The following ELAPOR2 variants were observed in gnomAD, a reference collection of about 807,000 sequenced individuals.
The protein encoded by ELAPOR2 is endosome-lysosome associated apoptosis and autophagy regulator family member 2, also known as endosome/lysosome-associated apoptosis and autophagy regulator family member 2.
ELAPOR2 carries 89 observed loss-of-function variants against 120.7 expected under a neutral mutation model. The observed-to-expected ratio is 0.74, with a 90% CI of 0.62 to 0.88. ELAPOR2 has a LOEUF of 0.88. Among genes scored for constraint, ELAPOR2 ranks in the 40% least tolerant of loss-of-function variants. The pLI is 0.00. For missense variants in ELAPOR2, 1,134 were observed against 1,251.6 expected, an observed-to-expected ratio of 0.91 and a Z score of 1.42; for synonymous variants, 444 against 444.9, an observed-to-expected ratio of 1.00 and a Z score of 0.03.
intron 1 of ELAPOR2, among the ~76,000 whole-genome samples, chr7:87,030,822 C>T (rs1794401369): frequency 6.6e-6 from 1 of 152,000 alleles, no homozygotes; most frequent in South Asian, 2.1e-4. Context: ...TACTCTGTTA[C>T]CCCATGGTGT....
At chr7:86,987,021 G>A (rs867514139) in intron 1 of ELAPOR2, among the ~76,000 whole-genome samples, 4 of 150,910 alleles carry the variant, frequency 2.7e-5, no homozygotes, top group Middle Eastern at 3.4e-3. Flanking sequence ...GAATAGAACA[G>A]AACCCTCAGA....
At chr7:86,956,709 G>A (rs1791484859) in intron 2 of ELAPOR2, among the ~76,000 whole-genome samples, 1 of 152,168 alleles carries the variant, frequency 6.6e-6, no homozygotes, top group Non-Finnish European at 1.5e-5. Context: ...TTTTATTGCA[G>A]CTTCTTGACT....
chr7:87,040,241 G>A (rs191425077), intron 1 of ELAPOR2, among the ~76,000 whole-genome samples: 3,374 of 152,296 alleles, frequency 0.022, 127 homozygotes, highest in African/African-American at 0.076. Flanking sequence ...CAAAGCAGCC[G>A]GAAAGCTCGA....
intron 2 of ELAPOR2, among the ~76,000 whole-genome samples, chr7:86,960,400 G>A (rs1407879093): frequency 2.6e-5 from 4 of 152,090 alleles, no homozygotes; most frequent in Admixed American, 6.6e-5. Flanking sequence ...ACAGGTGCAC[G>A]CCACCACACC....
In ELAPOR2 at chr7:86,956,812, G is replaced by A. The variant is rs374652184; in HGVS notation, c.310+8092C>T. ...AAAAAGACAATAGTGAAGGTCAAGGGAAGAAAAATGTTCAGAGTATGTGAT... is the reference window on the plus strand; with the variant it reads ...AAAAAGACAATAGTGAAGGTCAAGGAAAGAAAAATGTTCAGAGTATGTGAT... On this transcript the variant is annotated intron_variant, in intron 2 of 21. Coordinates refer to ENST00000450689, the MANE Select transcript of ELAPOR2 (RefSeq NM_001142749.3). Among the ~76,000 whole-genome samples, 30 of 152,256 alleles carry A rather than the reference G, an allele frequency of 2.0e-4. No homozygotes were observed. The East Asian group carries it at 3.1e-3, about 16-fold the overall frequency.
In ELAPOR2 at chr7:86,926,741, G is replaced by A; in HGVS notation, c.1265C>T (p.Thr422Ile). The change falls in exon 9 of 22, where the codon ACC (threonine) becomes ATC (isoleucine). Residue 422 changes from threonine (T) to isoleucine (I), a missense_variant. Around this residue, in one of 3 missense-constraint regions of ELAPOR2, gnomAD observed 831 missense variants for 867.6 expected, o/e 0.96. Coordinates refer to ENST00000450689, the MANE Select transcript of ELAPOR2 (RefSeq NM_001142749.3). ...TGGACCAATTGACATCCTACCTTTG[G>A]TTCCATCTGAAAATGTTCCAGGAGG... is the stretch of plus-strand genomic sequence containing the variant. ...PCPPGTFSDG[T>I]KECRPCPAGT... is the part of the protein sequence containing the mutation. 1 of 1,606,668 alleles carries A rather than the reference G, an allele frequency of 6.2e-7. No individual in the cohort carries two copies. The highest frequency in any genetic ancestry group is 8.5e-7 in the Non-Finnish European group (1 of 1,176,220).
intron 9 of ELAPOR2, 77 bp downstream of exon 9, chr7:86,926,659 A>T: frequency 2.2e-6 from 3 of 1,357,622 alleles, no homozygotes; most frequent in South Asian, 3.1e-5. Flanking sequence ...CCATAAAAAC[A>T]ATTTAGAAAA....
chr7:86,880,902 G>A (rs1366100159), intron 21 of ELAPOR2, among the ~76,000 whole-genome samples: 1 of 151,614 alleles, frequency 6.6e-6, no homozygotes, highest in East Asian at 1.9e-4. Flanking sequence ...AAACAGAACT[G>A]ACTAAATATT....
chr7:86,911,739 T>C, intron 15 of ELAPOR2: 1 of 487,592 alleles, frequency 2.1e-6, no homozygotes, highest in Non-Finnish European at 4.0e-6. Context: ...TAAAACTTTC[T>C]CAAATAACTT....
chr7:86,959,400 C>T (rs1194439440), intron 2 of ELAPOR2, among the ~76,000 whole-genome samples: 3 of 152,076 alleles, frequency 2.0e-5, no homozygotes, highest in Non-Finnish European at 2.9e-5. Context: ...TTGCCTTATG[C>T]CAGATCTTAG....
At chr7:87,001,163 G>A (rs1793304366) in intron 1 of ELAPOR2, among the ~76,000 whole-genome samples, 1 of 152,096 alleles carries the variant, frequency 6.6e-6, no homozygotes, top group Non-Finnish European at 1.5e-5. Context: ...GAAGAAAGGA[G>A]GGAGACAAGC....
chr7:86,901,274 T>G (rs1026219206), intron 18 of ELAPOR2, among the ~76,000 whole-genome samples: 1 of 152,200 alleles, frequency 6.6e-6, no homozygotes, highest in Non-Finnish European at 1.5e-5. Flanking sequence ...TGGGATTGCC[T>G]TATGAATCTG....
intron 1 of ELAPOR2, among the ~76,000 whole-genome samples, chr7:87,056,909 T>C (rs907769333): frequency 1.3e-5 from 2 of 152,188 alleles, no homozygotes; most frequent in Non-Finnish European, 2.9e-5. Context: ...TGGGGGGAAA[T>C]GAGGTTCAAA....
At chr7:87,038,835 GA>G (rs936892737) in intron 1 of ELAPOR2, among the ~76,000 whole-genome samples, 5 of 150,758 alleles carry the variant, frequency 3.3e-5, no homozygotes, top group African/African-American at 9.7e-5. Flanking sequence ...CATCAAAAAA[GA>G]AAAAAAACTT....
At chr7:87,041,214 C>A (rs1004126743) in intron 1 of ELAPOR2, among the ~76,000 whole-genome samples, 2 of 151,960 alleles carry the variant, frequency 1.3e-5, no homozygotes, top group African/African-American at 2.4e-5. Context: ...GGAGAACTTC[C>A]CCAATCTAGC....
Position 87,011,264 on chromosome 7 carries a change from A to G in ELAPOR2, c.190-46240T>C, listed in dbSNP as rs13307766. Reference sequence around the variant, plus strand: ...GACTCCATCTCAAAAAAAAAAAAAAAAAAAGAAAAGAAAAAGAAAATACAC... The same window carrying G: ...GACTCCATCTCAAAAAAAAAAAAAAGAAAAGAAAAGAAAAAGAAAATACAC... On this transcript the variant is annotated intron_variant, in intron 1 of 21. Transcript: ENST00000450689. Among the ~76,000 whole-genome samples the G allele has an allele frequency of 7.1e-3, 951 of 133,786 alleles. 11 individuals are homozygous for G. Among genetic ancestry groups the G allele is most frequent in the African/African-American group, 0.024 (794 of 32,730 alleles). The allele number at this position is 133,786 out of a possible 152,430, so 87.8% of individuals were successfully genotyped here.
At chr7:87,058,125 G>A (rs978926639) in intron 1 of ELAPOR2, among the ~76,000 whole-genome samples, 7 of 152,152 alleles carry the variant, frequency 4.6e-5, no homozygotes, top group African/African-American at 1.4e-4. Context: ...CCTTTGATCC[G>A]ATTCTCTTTC....
chr7:86,913,705 C>T (rs1789428468), intron 13 of ELAPOR2, among the ~76,000 whole-genome samples: 1 of 152,198 alleles, frequency 6.6e-6, no homozygotes, highest in Admixed American at 6.5e-5. Flanking sequence ...CACACCATTT[C>T]ATTGAGTCTT....
At chr7:86,948,298 T>G (rs758673931) in intron 2 of ELAPOR2, among the ~76,000 whole-genome samples, 3 of 152,190 alleles carry the variant, frequency 2.0e-5, no homozygotes, top group Non-Finnish European at 4.4e-5. Flanking sequence ...CCTGGCCCAA[T>G]GGGCAGTCAG....
Sources: gnomAD v4.1 joint callset for allele counts (sites outside exome capture counted in the v4.1 genomes callset) on GRCh38, gnomAD v4.1.1 for gene constraint, gnomAD v4.1.1 regional missense constraint, MANE v1.5 for transcripts, NCBI Gene and HGNC (gene_info 2026-07-23, HGNC 2026-07-21) for gene names.